Variants in ADISSP observed in about 807,000 individuals in gnomAD.
ADISSP encodes the protein adipose-secreted signaling protein.
the ADISSP span, among the ~76,000 whole-genome samples, chr20:3,763,295 C>A: frequency 6.7e-6 from 1 of 148,628 alleles, no homozygotes; most frequent in Non-Finnish European, 1.5e-5. Flanking sequence ...AGGTGGCTCA[C>A]GCCTGTAATC....
the ADISSP span, chr20:3,767,562 G>C: frequency 6.5e-6 from 1 of 152,770 alleles, no homozygotes; most frequent in African/African-American, 2.4e-5. Context: ...CACGGCCGCT[G>C]GGGTCCCAGG....
chr20:3,766,693 T>TTATCTCCCAGGGACAGGGCTGCTGCC, the ADISSP span, among the ~76,000 whole-genome samples: 17 of 152,192 alleles, frequency 1.1e-4, no homozygotes, highest in African/African-American at 3.9e-4. Context: ...GCACACAGGA[T>TTATCTCCCAGGGACAGGGCTGCTGCC]TATCTCCCAG....
chr20:3,766,384 TC>T, the ADISSP span, among the ~76,000 whole-genome samples: 1 of 146,384 alleles, frequency 6.8e-6, no homozygotes, highest in Non-Finnish European at 1.5e-5. Context: ...TCCTTCTCCC[TC>T]CAGTGGGCCA....
At chr20:3,754,606 AT>A in the ADISSP span, 1 of 1,343,194 alleles carries the variant, frequency 7.4e-7, no homozygotes, top group Non-Finnish European at 1.1e-6. Context: ...ACCCACCACC[AT>A]GGGGGGACTG....
chr20:3,760,276 C>T, the ADISSP span: 1 of 598,982 alleles, frequency 1.7e-6, no homozygotes. Flanking sequence ...TTAGGAAGGA[C>T]TCAAACCCCT....
chr20:3,765,047 C>T, the ADISSP span, among the ~76,000 whole-genome samples: 1 of 152,238 alleles, frequency 6.6e-6, no homozygotes, highest in African/African-American at 2.4e-5. Context: ...CAGTAAAGGG[C>T]AAACACTGAG....
chr20:3,758,771 C>T, the ADISSP span: 1 of 1,206,706 alleles, frequency 8.3e-7, no homozygotes, highest in Non-Finnish European at 1.2e-6. The surrounding 1 kb of genome is among the most constrained non-coding windows in gnomAD (Gnocchi z 5.5). Flanking sequence ...CTGCCCTTGA[C>T]ATCATCCAGC....
At chr20:3,759,944 C>T in the ADISSP span, 19 of 1,407,172 alleles carry the variant, frequency 1.4e-5, no homozygotes, top group African/African-American at 3.0e-5. The surrounding 1 kb of genome is among the most constrained non-coding windows in gnomAD (Gnocchi z 4.6). Flanking sequence ...CAATCACATT[C>T]GCACACCAGC....
At chr20:3,754,212 G>T in the ADISSP span, 2 of 1,542,170 alleles carry the variant, frequency 1.3e-6, no homozygotes, top group Non-Finnish European at 1.8e-6. Context: ...CCACCCATGC[G>T]GCCCACTAAG....
At chr20:3,764,440 C>T in the ADISSP span, among the ~76,000 whole-genome samples, 15 of 152,310 alleles carry the variant, frequency 9.8e-5, no homozygotes, top group Non-Finnish European at 1.9e-4. Flanking sequence ...ACCGTCCCCC[C>T]GCCCTGCCTT....
chr20:3,754,347 G>A, the ADISSP span: 22 of 1,596,810 alleles, frequency 1.4e-5, 2 homozygotes, highest in African/African-American at 1.3e-4. Flanking sequence ...AGAAACCCTC[G>A]CAGTCGAGCT....
chr20:3,754,328 G>A, the ADISSP span: 7 of 1,576,718 alleles, frequency 4.4e-6, no homozygotes, highest in Non-Finnish European at 6.1e-6. Flanking sequence ...TTGGTTCCCT[G>A]AGGAGGACAG....
chr20:3,754,650 T>TCCC, the ADISSP span: 4 of 918,868 alleles, frequency 4.4e-6, no homozygotes, highest in Non-Finnish European at 6.7e-6. Flanking sequence ...GGGGCAGGGA[T>TCCC]GGCCCTTCTG....
the ADISSP span, chr20:3,754,360 T>C: frequency 1.3e-6 from 2 of 1,599,000 alleles, no homozygotes; most frequent in South Asian, 1.1e-5. Context: ...GTCGAGCTTG[T>C]GCATCCCTCC....
chr20:3,760,198 G>A, the ADISSP span: 1 of 1,019,880 alleles, frequency 9.8e-7, no homozygotes, highest in African/African-American at 1.6e-5. Context: ...TGAAGGATAG[G>A]GAGTGGGGAG....
the ADISSP span, among the ~76,000 whole-genome samples, chr20:3,756,548 A>T: frequency 6.6e-6 from 1 of 152,218 alleles, no homozygotes; most frequent in Admixed American, 6.5e-5. Flanking sequence ...CTGGGGGCCA[A>T]CTGGGACTGG....
the ADISSP span, chr20:3,755,690 A>T: frequency 7.9e-7 from 1 of 1,263,580 alleles, no homozygotes; most frequent in Non-Finnish European, 1.1e-6. Context: ...CTATGATCCC[A>T]TGCGCCCCAG....
At chr20:3,754,464 C>T in the ADISSP span, 1 of 1,614,108 alleles carries the variant, frequency 6.2e-7, no homozygotes, top group Non-Finnish European at 8.5e-7. Context: ...CTAGCAGTAT[C>T]TCCTCTTTGA....
chr20:3,760,848 G>A, the ADISSP span, among the ~76,000 whole-genome samples: 3 of 152,302 alleles, frequency 2.0e-5, no homozygotes, highest in African/African-American at 7.2e-5. Context: ...GCAGTGAGAG[G>A]CGCCCCAGGA....
Sources: gnomAD v4.1 joint callset for allele counts (sites outside exome capture counted in the v4.1 genomes callset) on GRCh38, gnomAD v4.1.1 for gene constraint, Gnocchi (gnomAD v3.1) non-coding constraint, MANE v1.5 for transcripts, NCBI Gene and HGNC (gene_info 2026-07-23, HGNC 2026-07-21) for gene names.